NDUFS4: variants seen among roughly 807,000 people sequenced by gnomAD.
NDUFS4 encodes the protein NADH dehydrogenase [ubiquinone] iron-sulfur protein 4, mitochondrial.
Under a neutral mutation model 24.3 loss-of-function variants are expected in NDUFS4, and 28 were observed. The ratio of observed to expected loss-of-function variants is 1.15; its 90% CI spans 0.85 to 1.58. NDUFS4 has a LOEUF of 1.58. Among genes scored for constraint, NDUFS4 ranks in the 40% most tolerant of loss-of-function variants. NDUFS4 has a pLI of 0.00. For missense variants in NDUFS4, 223 were observed against 207.9 expected (o/e 1.07, Z -0.45); for synonymous variants, 93 against 69.7 (o/e 1.34, Z -1.67).
intron 2 of NDUFS4, among the ~76,000 whole-genome samples, chr5:53,612,441 G>A (rs1054178216): frequency 6.6e-6 from 1 of 152,148 alleles, no homozygotes; most frequent in South Asian, 2.1e-4. Context: ...AGTGTGTGGA[G>A]TGAGGAAGGA....
chr5:53,676,353 G>A (rs574447988), intron 4 of NDUFS4, among the ~76,000 whole-genome samples: 1 of 152,266 alleles, frequency 6.6e-6, no homozygotes, highest in Admixed American at 6.5e-5. Flanking sequence ...GGATATACAT[G>A]GTTAGGTTCC....
intron 1 of NDUFS4, among the ~76,000 whole-genome samples, chr5:53,585,359 A>G (rs563250805): frequency 1.3e-5 from 2 of 152,308 alleles, no homozygotes; most frequent in East Asian, 1.9e-4. Flanking sequence ...CTTACAATAA[A>G]TAATTGTTGA....
intron 2 of NDUFS4, among the ~76,000 whole-genome samples, chr5:53,606,527 T>G (rs1388635734): frequency 6.6e-6 from 1 of 152,094 alleles, no homozygotes; most frequent in Non-Finnish European, 1.5e-5. Context: ...CCACCACGCC[T>G]GGCTAGTTTT....
At chr5:53,629,021 T>G (rs911331404) in intron 2 of NDUFS4, among the ~76,000 whole-genome samples, 4 of 152,202 alleles carry the variant, frequency 2.6e-5, no homozygotes, top group African/African-American at 9.7e-5. Context: ...CATTTAGTGC[T>G]ATAAATTTCC....
intron 4 of NDUFS4, among the ~76,000 whole-genome samples, chr5:53,677,847 A>G (rs965792986): frequency 6.6e-6 from 1 of 152,188 alleles, no homozygotes; most frequent in Admixed American, 6.6e-5. Context: ...AAAATCATTT[A>G]GCTGTTCACT....
chr5:53,635,451 T>C (rs1751523708), intron 2 of NDUFS4, among the ~76,000 whole-genome samples: 1 of 151,888 alleles, frequency 6.6e-6, no homozygotes, highest in African/African-American at 2.4e-5. Flanking sequence ...GCCCAGAAAC[T>C]CAAGGTTGCA....
chr5:53,582,935 T>C lies in NDUFS4; in HGVS notation c.99-20517T>C, dbSNP rs140567750. Among the ~76,000 whole-genome samples the C allele has an allele frequency of 6.0e-3, 907 of 152,316 alleles. 46 individuals carry two copies. The highest frequency in any genetic ancestry group is 0.056 in the Admixed American group (849 of 15,286). ...TATTTTTTTTGAGTCGGAGTCTCGC[T>C]CTGTCACCCAGGTTGAAGTACAGTG... On this transcript the variant is annotated intron_variant, in intron 1 of 4. Transcript: ENST00000296684.
At chr5:53,644,617 T>C (rs1751804139) in intron 2 of NDUFS4, among the ~76,000 whole-genome samples, 1 of 152,054 alleles carries the variant, frequency 6.6e-6, no homozygotes, top group South Asian at 2.1e-4. Context: ...AACCTGAATA[T>C]TAGAAATTAC....
chr5:53,665,946 TC>T (rs549334815), intron 4 of NDUFS4, among the ~76,000 whole-genome samples: 9 of 152,224 alleles, frequency 5.9e-5, no homozygotes, highest in Non-Finnish European at 1.2e-4. Flanking sequence ...CTGGAGCTGT[TC>T]CTATTCCACC....
chr5:53,586,837 T>C (rs771237498), intron 1 of NDUFS4, among the ~76,000 whole-genome samples: 2 of 152,096 alleles, frequency 1.3e-5, no homozygotes, highest in Non-Finnish European at 2.9e-5. Flanking sequence ...TCTTCCTTTT[T>C]TTTGAGATGG....
intron 1 of NDUFS4, among the ~76,000 whole-genome samples, chr5:53,590,448 A>C (rs966368982): frequency 6.6e-6 from 1 of 152,220 alleles, no homozygotes; most frequent in African/African-American, 2.4e-5. Context: ...AACAAAAACT[A>C]TCTCATATTT....
At chr5:53,681,115 A>G (rs1193410143) in intron 4 of NDUFS4, among the ~76,000 whole-genome samples, 1 of 152,112 alleles carries the variant, frequency 6.6e-6, no homozygotes. Flanking sequence ...TTGTGAATCA[A>G]ATTTGAGGAC....
At chr5:53,662,923 A>G (rs1052382073) in intron 4 of NDUFS4, among the ~76,000 whole-genome samples, 26 of 151,822 alleles carry the variant, frequency 1.7e-4, no homozygotes, top group African/African-American at 6.3e-4. Context: ...TAGGGTGTCA[A>G]TTTTAGATCT....
chr5:53,576,224 C>T (rs1010826976), intron 1 of NDUFS4, among the ~76,000 whole-genome samples: 11 of 152,224 alleles, frequency 7.2e-5, no homozygotes, highest in South Asian at 6.2e-4. Flanking sequence ...AGGTCTTATA[C>T]AGTGTTTTGT....
At chr5:53,675,235 T>C (rs1194359402) in intron 4 of NDUFS4, among the ~76,000 whole-genome samples, 1 of 131,866 alleles carries the variant, frequency 7.6e-6, no homozygotes, top group Non-Finnish European at 1.6e-5. Context: ...CAATCTCAGC[T>C]CACTGCAAGC....
At chr5:53,580,364 A>G (rs1358013714) in intron 1 of NDUFS4, among the ~76,000 whole-genome samples, 1 of 152,256 alleles carries the variant, frequency 6.6e-6, no homozygotes. Context: ...TTCTAGTGCT[A>G]GACGACTGGC....
At chr5:53,660,740 C>G (rs1375240195) in intron 4 of NDUFS4, among the ~76,000 whole-genome samples, 5 of 152,186 alleles carry the variant, frequency 3.3e-5, no homozygotes, top group Non-Finnish European at 7.3e-5. Flanking sequence ...TTGCATTTCT[C>G]TGATGGCCAG....
chr5:53,592,199 G>A (rs149476928), intron 1 of NDUFS4, among the ~76,000 whole-genome samples: 53 of 152,182 alleles, frequency 3.5e-4, no homozygotes, highest in East Asian at 2.9e-3. Flanking sequence ...TGATCCGCCC[G>A]CCTCGGCCTC....
intron 1 of NDUFS4, among the ~76,000 whole-genome samples, chr5:53,591,461 T>TGGCGG (rs1554054833): frequency 1.2e-5 from 1 of 81,190 alleles, no homozygotes; most frequent in African/African-American, 5.0e-5. Flanking sequence ...TTGTTTTTTT[T>TGGCGG]GGGGGGGGGG....
Sources: gnomAD v4.1 joint callset for allele counts (sites outside exome capture counted in the v4.1 genomes callset) on GRCh38, gnomAD v4.1.1 for gene constraint, MANE v1.5 for transcripts, NCBI Gene and HGNC (gene_info 2026-07-23, HGNC 2026-07-21) for gene names.